Variants in MAGI2 observed in about 807,000 individuals in gnomAD.
MAGI2 encodes membrane associated guanylate kinase, WW and PDZ domain containing 2.
In MAGI2, 35 loss-of-function variants were observed where a neutral mutation model predicts 133.3. The observed-to-expected ratio is 0.26, with a 90% CI of 0.20 to 0.35. The LOEUF is 0.35. MAGI2 is among the 10% of genes least tolerant of loss of function. The pLI is 1.00. For synonymous variants in MAGI2, 729 were observed against 710.6 expected (o/e 1.03, Z -0.41); for missense variants, 1,636 against 1,863.4 (o/e 0.88, Z 2.25).
chr7:78,256,617 G>C, intron 9 of MAGI2, 36 bp from the exon 10 acceptor site: 1 of 1,544,200 alleles, frequency 6.5e-7, no homozygotes, highest in Non-Finnish European at 8.9e-7. Flanking sequence ...CATGAGGTAA[G>C]TTCAATTAAC....
intron 9 of MAGI2, among the ~76,000 whole-genome samples, chr7:78,323,515 A>T (rs1033034659): frequency 1.3e-5 from 2 of 152,116 alleles, no homozygotes; most frequent in African/African-American, 2.4e-5. Context: ...CCTGGGGGAG[A>T]TAGTTTGGAA....
At chr7:78,338,567 T>G (rs954801270) in intron 9 of MAGI2, among the ~76,000 whole-genome samples, 1 of 152,210 alleles carries the variant, frequency 6.6e-6, no homozygotes, top group African/African-American at 2.4e-5. Context: ...CCTAGTAATT[T>G]GGGATTTGCT....
intron 10 of MAGI2, among the ~76,000 whole-genome samples, chr7:78,250,705 A>C (rs1792297147): frequency 6.6e-6 from 1 of 152,098 alleles, no homozygotes; most frequent in African/African-American, 2.4e-5. Flanking sequence ...CTGATTTAAG[A>C]AGAAAACATT....
intron 2 of MAGI2, among the ~76,000 whole-genome samples, chr7:78,921,698 C>A (rs1390710622): frequency 6.6e-6 from 1 of 151,300 alleles, no homozygotes; most frequent in African/African-American, 2.4e-5. Flanking sequence ...GTGGTGTGAT[C>A]TTGGCTCACT....
intron 1 of MAGI2, among the ~76,000 whole-genome samples, chr7:79,215,885 T>G (rs535231664): frequency 3.4e-4 from 52 of 151,968 alleles, no homozygotes; most frequent in African/African-American, 1.2e-3. Context: ...ACTTTTTGGT[T>G]TACACATTTT....
intron 1 of MAGI2, among the ~76,000 whole-genome samples, chr7:79,089,669 A>G (rs1488407730): frequency 2.6e-5 from 4 of 152,118 alleles, no homozygotes; most frequent in Non-Finnish European, 5.9e-5. Context: ...ACATGGATGA[A>G]GCTGGAAACC....
At chr7:78,401,015 A>C (rs1796805059) in intron 6 of MAGI2, among the ~76,000 whole-genome samples, 1 of 152,072 alleles carries the variant, frequency 6.6e-6, no homozygotes, top group Non-Finnish European at 1.5e-5. Flanking sequence ...TTCTTACATG[A>C]CAATTCACAT....
At chr7:78,882,068 TAAC>T (rs767269169) in intron 2 of MAGI2, among the ~76,000 whole-genome samples, 4 of 29,752 alleles carry the variant, frequency 1.3e-4, no homozygotes, top group African/African-American at 5.3e-4. Flanking sequence ...CTAGCTAGAT[TAAC>T]AACAACAACA....
chr7:78,952,088 C>T (rs1801918449), intron 2 of MAGI2, among the ~76,000 whole-genome samples: 1 of 152,108 alleles, frequency 6.6e-6, no homozygotes, highest in Admixed American at 6.6e-5. Flanking sequence ...AATCTGGCTC[C>T]AAACTACCCT....
intron 2 of MAGI2, among the ~76,000 whole-genome samples, chr7:78,796,940 A>T (rs1360074645): frequency 6.6e-6 from 1 of 152,134 alleles, no homozygotes; most frequent in Non-Finnish European, 1.5e-5. Flanking sequence ...GATTTCACAG[A>T]GGTAGAGAGT....
intron 5 of MAGI2, among the ~76,000 whole-genome samples, chr7:78,497,893 GGA>G (rs1251412738): frequency 1.3e-5 from 2 of 152,032 alleles, no homozygotes; most frequent in Admixed American, 6.6e-5. Context: ...ACCTGCCAGA[GGA>G]GAGTTTCATT....
chr7:78,418,872 A>G (rs149847895), intron 6 of MAGI2, among the ~76,000 whole-genome samples: 2,083 of 152,310 alleles, frequency 0.014, 32 homozygotes, highest in South Asian at 0.031. Flanking sequence ...TAGTGAATAT[A>G]GGAATAGTAA....
rs149572814 is a variant in MAGI2, at chr7:79,067,683, A to G, written c.302-60477T>C. Reference sequence around the variant, plus strand: ...AGAGAAGGCATCCTTGTCTTGTACCAGTTTTCAAAGGGAATGCTTCCAGCT... The same window carrying G: ...AGAGAAGGCATCCTTGTCTTGTACCGGTTTTCAAAGGGAATGCTTCCAGCT... On this transcript the variant is annotated intron_variant, in intron 1 of 21. Coordinates refer to ENST00000354212, the MANE Select transcript of MAGI2 (RefSeq NM_012301.4). Among the ~76,000 whole-genome samples the G allele has an allele frequency of 9.4e-4, 143 of 152,270 alleles. 1 individual carries two copies. The East Asian group carries it at 0.028, about 29-fold the overall frequency.
intron 1 of MAGI2, among the ~76,000 whole-genome samples, chr7:79,051,760 G>C (rs576742539): frequency 1.8e-4 from 28 of 152,208 alleles, no homozygotes; most frequent in African/African-American, 6.0e-4. Flanking sequence ...GCAAAGCTAA[G>C]AATCATGCAA....
chr7:78,737,168 T>A lies in MAGI2; in HGVS notation c.419-109929A>T, dbSNP rs71555008. 2.9e-3 allele frequency among the ~76,000 whole-genome samples: 449 copies of A among 152,342 alleles called. 2 individuals are homozygous for A. Among genetic ancestry groups the A allele is most frequent in the Non-Finnish European group, 5.0e-3 (343 of 68,030 alleles). ...GAGCTAAATTATAATTTGGGGAAAC[T>A]TTTATCTGCCACTGCCCATTTGATA... On this transcript the variant is annotated intron_variant, in intron 2 of 21. Transcript: ENST00000354212.
intron 9 of MAGI2, among the ~76,000 whole-genome samples, chr7:78,273,062 T>G (rs1361100887): frequency 6.6e-6 from 1 of 152,236 alleles, no homozygotes; most frequent in Non-Finnish European, 1.5e-5. Flanking sequence ...TTGGCATGTT[T>G]TTGCAGTGGC....
At chr7:79,342,895 G>T (rs916606309) in intron 1 of MAGI2, among the ~76,000 whole-genome samples, 17 of 152,026 alleles carry the variant, frequency 1.1e-4, no homozygotes, top group African/African-American at 4.8e-5. Context: ...AAGTAGCTGG[G>T]ATTACAGGCA....
At chr7:79,429,465 G>A (rs1326667516) in intron 1 of MAGI2, among the ~76,000 whole-genome samples, 2 of 152,000 alleles carry the variant, frequency 1.3e-5, no homozygotes, top group Non-Finnish European at 2.9e-5. Flanking sequence ...ACCAAGCCCA[G>A]CTAATTTTTT....
rs114739800 is a variant in MAGI2 at position 78,780,272 on chromosome 7, A to G, written c.419-153033T>C. On this transcript the variant is annotated intron_variant, in intron 2 of 21. Transcript: ENST00000354212. ...TAAAGCCACTGAACTGGATTTGGGA[A>G]AAGATATGCACAAATGTCTCTTTCA... Among the ~76,000 whole-genome samples the G allele has an allele frequency of 2.8e-3, 423 of 152,334 alleles. 6 individuals carry two copies. Among genetic ancestry groups the G allele is most frequent in the African/African-American group, 9.6e-3 (400 of 41,584 alleles).
Sources: allele counts gnomAD v4.1 joint callset (sites outside exome capture counted in the v4.1 genomes callset), GRCh38; gene constraint gnomAD v4.1.1; transcripts MANE v1.5; gene names NCBI Gene and HGNC (gene_info 2026-07-23, HGNC 2026-07-21).